Variants in NEDD4L observed in about 807,000 individuals in gnomAD.
NEDD4L encodes the protein NEDD4 like E3 ubiquitin protein ligase, also known as E3 ubiquitin-protein ligase NEDD4-like.
A neutral mutation model predicts 148.9 loss-of-function variants in NEDD4L; 54 were observed. The observed-to-expected ratio is 0.36, with a 90% CI of 0.29 to 0.45. The LOEUF is 0.45. Among genes scored for constraint, NEDD4L ranks in the 20% least tolerant of loss-of-function variants. The pLI is 1.00. For missense variants in NEDD4L, 856 were observed against 1,233.8 expected, an observed-to-expected ratio of 0.69 and a Z score of 4.59; for synonymous variants, 433 against 440.7, an observed-to-expected ratio of 0.98 and a Z score of 0.22.
At chr18:58,230,861 T>C (rs904668019) in intron 2 of NEDD4L, among the ~76,000 whole-genome samples, 2 of 152,140 alleles carry the variant, frequency 1.3e-5, no homozygotes, top group African/African-American at 4.8e-5. Flanking sequence ...TTGTACAAGG[T>C]TGCATGGAAA....
chr18:58,051,835 TG>T (rs1227053452), intron 1 of NEDD4L, among the ~76,000 whole-genome samples: 1 of 152,186 alleles, frequency 6.6e-6, no homozygotes, highest in African/African-American at 2.4e-5. Context: ...AATAATATAA[TG>T]GTAATAAGTA....
At chr18:58,229,883 G>A (rs894090915) in intron 2 of NEDD4L, among the ~76,000 whole-genome samples, 3 of 152,042 alleles carry the variant, frequency 2.0e-5, no homozygotes, top group Non-Finnish European at 4.4e-5. Flanking sequence ...CCAGCTACTC[G>A]GAGGCTGAGG....
At chr18:58,268,921 A>G (rs1210872800) in intron 5 of NEDD4L, among the ~76,000 whole-genome samples, 4 of 151,904 alleles carry the variant, frequency 2.6e-5, no homozygotes, top group African/African-American at 9.7e-5. Flanking sequence ...TCAATCTGAT[A>G]CCCATGCAAG....
rs547019344 is a variant in NEDD4L, at chr18:58,321,642, G to A, written c.349-783G>A. On this transcript the variant is annotated intron_variant, in intron 6 of 30. Coordinates refer to ENST00000400345, the MANE Select transcript of NEDD4L (RefSeq NM_001144967.3). ...CGTACATACATGTGTGTGCATGCAC[G>A]CGCACACAAACCTGATACAGTAAAT... Among the ~76,000 whole-genome samples, 13 of 152,320 alleles carry A rather than the reference G, an allele frequency of 8.5e-5. No homozygotes were observed. The South Asian group carries it at 1.5e-3, about 17-fold the overall frequency.
At chr18:58,045,596 G>A (rs989731666) in intron 1 of NEDD4L, 2 of 152,908 alleles carry the variant, frequency 1.3e-5, no homozygotes, top group Non-Finnish European at 1.5e-5. Flanking sequence ...CTCTCGACCA[G>A]CCACGCTCGG....
rs1298560961 is a variant in NEDD4L, at chr18:58,256,597, G to A, written c.297+4543G>A. ...GCAGGATGGCTCCTGAAATCCGCAG[G>A]ACGAACTCCGCGGAGAGGACTCCGC... On this transcript the variant is annotated intron_variant, in intron 5 of 30. Coordinates refer to ENST00000400345, the MANE Select transcript of NEDD4L (RefSeq NM_001144967.3). This position sits in a 1 kb window ranked among gnomAD's most constrained non-coding sequence, Gnocchi z 5.2. The A allele has an allele frequency of 1.6e-6, 2 of 1,232,166 alleles. No individual in the cohort carries two copies. Among genetic ancestry groups the A allele is most frequent in the Non-Finnish European group, 2.0e-6 (2 of 988,080 alleles). The allele number at this position is 1,232,166 out of a possible 1,614,324, so 76.3% of individuals were successfully genotyped here. A position where few individuals can be genotyped will look rare whatever the true frequency, so the allele number is the denominator to read the frequency against.
intron 5 of NEDD4L, among the ~76,000 whole-genome samples, chr18:58,308,551 G>A (rs901635061): frequency 6.6e-6 from 1 of 152,218 alleles, no homozygotes; most frequent in Admixed American, 6.5e-5. Flanking sequence ...CTGTAACCAA[G>A]CACATCTGGG....
intron 29 of NEDD4L, 41 bp from the exon 30 acceptor site, chr18:58,391,446 C>G: frequency 6.8e-7 from 1 of 1,476,748 alleles, no homozygotes; most frequent in Non-Finnish European, 9.3e-7. Context: ...CATTCTTCTG[C>G]CCCAAGCAAT....
chr18:58,369,146 T>G (rs13381932), intron 22 of NEDD4L, among the ~76,000 whole-genome samples: 1 of 152,092 alleles, frequency 6.6e-6, no homozygotes, highest in African/African-American at 2.4e-5. Context: ...GAAAGTGACT[T>G]GGCTGGAGGC....
chr18:58,168,132 C>T (rs2037104705), intron 2 of NEDD4L, among the ~76,000 whole-genome samples: 1 of 152,130 alleles, frequency 6.6e-6, no homozygotes. Context: ...GTATTGTGGC[C>T]AAGTGGACCA....
chr18:58,251,919 A>G, intron 4 of NEDD4L, 82 bp from the exon 5 acceptor site: 1 of 780,386 alleles, frequency 1.3e-6, no homozygotes, highest in South Asian at 1.5e-5. Flanking sequence ...ATTGTAAAGC[A>G]GTATGTTATT....
At chr18:58,330,668 G>T in intron 10 of NEDD4L, 70 bp from the exon 11 acceptor site, 1 of 1,268,740 alleles carries the variant, frequency 7.9e-7, no homozygotes, top group Non-Finnish European at 1.0e-6. Flanking sequence ...TTGTTACATG[G>T]TTTCATTGGG....
intron 1 of NEDD4L, among the ~76,000 whole-genome samples, chr18:58,082,081 T>TATATACACACAC (rs1276212146): frequency 1.3e-4 from 11 of 87,346 alleles, no homozygotes; most frequent in African/African-American, 6.0e-4. Context: ...TTCTGATGAA[T>TATATACACACAC]ATATATATAT....
intron 5 of NEDD4L, among the ~76,000 whole-genome samples, chr18:58,273,929 C>T (rs2051455974): frequency 6.6e-6 from 1 of 152,138 alleles, no homozygotes; most frequent in African/African-American, 2.4e-5. Context: ...ATCCCTCTCC[C>T]ATCCACACAG....
chr18:58,258,459 A>C (rs1339647712), intron 5 of NEDD4L, among the ~76,000 whole-genome samples: 1 of 152,268 alleles, frequency 6.6e-6, no homozygotes, highest in Non-Finnish European at 1.5e-5. Context: ...TCATACAATT[A>C]AACTCAAAAA....
At position 58,399,555 on chromosome 18, in the gene NEDD4L, C is replaced by T. The variant is rs2050719400; in HGVS notation, c.*3286C>T. On this transcript the variant is annotated 3_prime_UTR_variant, in exon 31 of 31. Coordinates refer to ENST00000400345, the MANE Select transcript of NEDD4L (RefSeq NM_001144967.3). Reference sequence around the variant, plus strand: ...AGGCTGGAGTGCAGTGGCTCAATCTCAGCTCACCACAACCTCTGCCTCCTG... The same window carrying T: ...AGGCTGGAGTGCAGTGGCTCAATCTTAGCTCACCACAACCTCTGCCTCCTG... 6.6e-6 allele frequency: 1 copy of T among 152,326 alleles called. No homozygotes were observed. Among genetic ancestry groups the T allele is most frequent in the South Asian group, 2.1e-4 (1 of 4,836 alleles). The allele number at this position is 152,326 out of a possible 1,614,324, so 9.4% of individuals were successfully genotyped here.
At chr18:58,147,800 C>A (rs898006430) in intron 1 of NEDD4L, among the ~76,000 whole-genome samples, 31 of 152,274 alleles carry the variant, frequency 2.0e-4, no homozygotes, top group African/African-American at 7.2e-4. Context: ...GCTTTGAATG[C>A]CCTTTTCATG....
intron 2 of NEDD4L, among the ~76,000 whole-genome samples, chr18:58,198,035 C>G (rs2040927555): frequency 6.6e-6 from 1 of 152,098 alleles, no homozygotes; most frequent in African/African-American, 2.4e-5. Context: ...TGCTCAGACA[C>G]CCCTTGGCAC....
Position 58,197,506 on chromosome 18 carries a change from C to T in NEDD4L, c.122+31645C>T, listed in dbSNP as rs958701583. ...ACCCACACCTGTGTTTGGCAACAAG[C>T]GGCTGCCCCTTGATCCAGATGCATT... On this transcript the variant is annotated intron_variant, in intron 2 of 30. Coordinates refer to ENST00000400345, the MANE Select transcript of NEDD4L (RefSeq NM_001144967.3). Among the ~76,000 whole-genome samples, 9 of 152,306 alleles carry T rather than the reference C, an allele frequency of 5.9e-5. No individual in the cohort carries two copies. In the South Asian group the frequency reaches 8.3e-4, roughly 14 times the overall value.
Sources: gnomAD v4.1 joint callset for allele counts (sites outside exome capture counted in the v4.1 genomes callset) on GRCh38, gnomAD v4.1.1 for gene constraint, Gnocchi (gnomAD v3.1) non-coding constraint, MANE v1.5 for transcripts, NCBI Gene and HGNC (gene_info 2026-07-23, HGNC 2026-07-21) for gene names.